The following TBCK variants were observed in gnomAD, a reference collection of about 807,000 sequenced individuals.
TBCK encodes TBC domain-containing protein kinase-like protein.
Under a neutral mutation model 113.4 loss-of-function variants are expected in TBCK, and 99 were observed. That is an observed-to-expected ratio of 0.87 (90% CI 0.74 to 1.03). TBCK has a LOEUF of 1.03. Ranked by LOEUF, TBCK falls within the 50% of genes least tolerant of loss-of-function variation. The pLI is 0.00. For synonymous variants in TBCK, 369 were observed against 370.8 expected, an observed-to-expected ratio of 1.00 and a Z score of 0.05; for missense variants, 1,045 against 1,061.3, an observed-to-expected ratio of 0.98 and a Z score of 0.21.
intron 22 of TBCK, among the ~76,000 whole-genome samples, chr4:106,184,907 G>A (rs922907537): frequency 1.3e-5 from 2 of 152,078 alleles, no homozygotes; most frequent in African/African-American, 4.8e-5. Context: ...TTGTCTTAAT[G>A]AGTTAACAGT....
chr4:106,119,475 A>T (rs532303892), intron 23 of TBCK, among the ~76,000 whole-genome samples: 1 of 152,184 alleles, frequency 6.6e-6, no homozygotes, highest in African/African-American at 2.4e-5. Context: ...GAAAAATGAA[A>T]CTAGACCCCT....
At chr4:106,079,901 CAAAG>C (rs1193679104) in intron 25 of TBCK, among the ~76,000 whole-genome samples, 2 of 152,076 alleles carry the variant, frequency 1.3e-5, no homozygotes, top group African/African-American at 2.4e-5. Context: ...AGGAAGACAA[CAAAG>C]AGAGAGGTGC....
intron 3 of TBCK, among the ~76,000 whole-genome samples, chr4:106,281,151 G>T (rs1764548202): frequency 6.6e-6 from 1 of 151,700 alleles, no homozygotes; most frequent in South Asian, 2.1e-4. Flanking sequence ...TAATTCCTAG[G>T]TATTTTATTT....
chr4:106,212,356 G>A (rs73838156), intron 20 of TBCK, among the ~76,000 whole-genome samples: 2,080 of 152,190 alleles, frequency 0.014, 54 homozygotes, highest in African/African-American at 0.047. Flanking sequence ...ACAGAGAAAA[G>A]AAAACCCAAA....
chr4:106,107,861 A>G lies in TBCK; in HGVS notation c.2411+8342T>C, dbSNP rs954035101. On this transcript the variant is annotated intron_variant, in intron 24 of 25. Coordinates refer to ENST00000394708, the MANE Select transcript of TBCK (RefSeq NM_001163435.3). ...TAAATTCAGGAGTTGGTTTTTTGAA[A>G]AAATTAACAAGATAGGCCACTAGCT... Among the ~76,000 whole-genome samples the G allele has an allele frequency of 2.0e-5, 3 of 152,158 alleles. No homozygotes were observed. In the East Asian group the frequency reaches 5.8e-4, roughly 29 times the overall value.
chr4:106,096,778 T>C (rs1264435648), intron 24 of TBCK, among the ~76,000 whole-genome samples: 1 of 152,180 alleles, frequency 6.6e-6, no homozygotes, highest in African/African-American at 2.4e-5. Flanking sequence ...ACATAAAAGA[T>C]AATGCTCAGA....
At chr4:106,130,192 A>C (rs187181052) in intron 23 of TBCK, among the ~76,000 whole-genome samples, 2 of 152,332 alleles carry the variant, frequency 1.3e-5, no homozygotes, top group Non-Finnish European at 2.9e-5. Context: ...AGAGATACCT[A>C]GTGAATGTAT....
chr4:106,059,359 A>T (rs1187784490), intron 25 of TBCK, among the ~76,000 whole-genome samples: 2 of 151,692 alleles, frequency 1.3e-5, no homozygotes, highest in African/African-American at 2.4e-5. Context: ...AAGCAAGTCT[A>T]TTGGTACCAT....
rs34322527 is a variant in TBCK at position 106,145,020 on chromosome 4, C to CAAA, written c.2235+26072_2235+26074dup. ...GGGCAACAAGAGTGAAACTCCGTGT[C>CAAA]AAAAAAAAAAAAAAAAAGGCCAGGT... is the stretch of plus-strand genomic sequence containing the variant. On this transcript the variant is annotated intron_variant, in intron 23 of 25. Coordinates refer to ENST00000394708, the MANE Select transcript of TBCK (RefSeq NM_001163435.3). Among the ~76,000 whole-genome samples the CAAA allele has an allele frequency of 4.3e-4, 38 of 88,704 alleles. 1 individual carries two copies. Among genetic ancestry groups the CAAA allele is most frequent in the Non-Finnish European group, 6.0e-4 (27 of 45,148 alleles). The allele number at this position is 88,704 out of a possible 152,430, so 58.2% of individuals were successfully genotyped here. A position where few individuals can be genotyped will look rare whatever the true frequency, so the allele number is the denominator to read the frequency against.
chr4:106,227,912 A>C (rs1326829281), intron 19 of TBCK, among the ~76,000 whole-genome samples: 2 of 151,942 alleles, frequency 1.3e-5, no homozygotes, highest in Non-Finnish European at 2.9e-5. Flanking sequence ...TAACATTAAG[A>C]AATAAATAAT....
At chr4:106,211,923 G>T (rs1224365000) in intron 20 of TBCK, among the ~76,000 whole-genome samples, 2 of 151,648 alleles carry the variant, frequency 1.3e-5, no homozygotes, top group South Asian at 2.1e-4. Context: ...GAACATTTTG[G>T]TTTTTTATCA....
chr4:106,302,110 C>T (rs946339069), intron 2 of TBCK, among the ~76,000 whole-genome samples: 2 of 152,158 alleles, frequency 1.3e-5, no homozygotes, highest in Non-Finnish European at 2.9e-5. Context: ...ATCAAATTCC[C>T]TAGCCTAATG....
chr4:106,246,857 T>C (rs1043260480), intron 10 of TBCK, among the ~76,000 whole-genome samples: 1 of 152,118 alleles, frequency 6.6e-6, no homozygotes, highest in Admixed American at 6.6e-5. Flanking sequence ...GTTGTTGTTG[T>C]TGTTTTTTGT....
At chr4:106,075,553 A>G (rs1738079260) in intron 25 of TBCK, among the ~76,000 whole-genome samples, 1 of 152,208 alleles carries the variant, frequency 6.6e-6, no homozygotes, top group Non-Finnish European at 1.5e-5. Flanking sequence ...TTTTATTTTT[A>G]CTAGCACTTT....
At chr4:106,124,002 G>A (rs1437540605) in intron 23 of TBCK, among the ~76,000 whole-genome samples, 1 of 151,200 alleles carries the variant, frequency 6.6e-6, no homozygotes, top group African/African-American at 2.4e-5. Flanking sequence ...TTGACAAACG[G>A]GATCTAATTA....
chr4:106,081,860 C>G (rs1220841504), intron 25 of TBCK, among the ~76,000 whole-genome samples: 1 of 152,168 alleles, frequency 6.6e-6, no homozygotes, highest in Non-Finnish European at 1.5e-5. Flanking sequence ...AAATGCTCAT[C>G]ATCACTAATC....
At chr4:106,233,103 G>C (rs777110900) in intron 16 of TBCK, 39 bp from the exon 17 acceptor site, 1 of 1,578,770 alleles carries the variant, frequency 6.3e-7, no homozygotes, top group South Asian at 1.1e-5. Context: ...AACAGTAATT[G>C]TGTAATCAGC....
chr4:106,061,163 T>C (rs1031763686), intron 25 of TBCK, among the ~76,000 whole-genome samples: 3 of 151,842 alleles, frequency 2.0e-5, no homozygotes, highest in Non-Finnish European at 2.9e-5. Context: ...GATTGGAGAG[T>C]ATTGACTTGA....
At chr4:106,223,400 T>C (rs1300503396) in intron 19 of TBCK, among the ~76,000 whole-genome samples, 1 of 152,120 alleles carries the variant, frequency 6.6e-6, no homozygotes, top group African/African-American at 2.4e-5. Flanking sequence ...ATATGTGTAG[T>C]ATGAACTTAT....
Sources: gnomAD v4.1 joint callset for allele counts (sites outside exome capture counted in the v4.1 genomes callset) on GRCh38, gnomAD v4.1.1 for gene constraint, MANE v1.5 for transcripts, NCBI Gene and HGNC (gene_info 2026-07-23, HGNC 2026-07-21) for gene names.